Variants in RPS6KA3 observed in about 807,000 individuals in gnomAD.
RPS6KA3 encodes the protein ribosomal protein S6 kinase A3, also known as ribosomal protein S6 kinase alpha-3.
A neutral mutation model predicts 67.2 loss-of-function variants in RPS6KA3; 4 were observed. The ratio of observed to expected loss-of-function variants is 0.06; its 90% confidence interval spans 0.03 to 0.14. The LOEUF is 0.14. Ranked by LOEUF, RPS6KA3 falls within the 10% of genes least tolerant of loss-of-function variation. The pLI is 1.00. For synonymous variants in RPS6KA3, 182 were observed against 183.7 expected, an observed-to-expected ratio of 0.99 and a Z score of 0.07; for missense variants, 204 against 559.0, an observed-to-expected ratio of 0.36 and a Z score of 6.40.
intron 4 of RPS6KA3, among the ~76,000 whole-genome samples, chrX:20,196,243 G>C (rs376683980): frequency 1.8e-5 from 2 of 113,203 alleles, no homozygotes; most frequent in Non-Finnish European, 3.7e-5. Context: ...GCGCCAAGGC[G>C]AAATGGGGAG....
At chrX:20,191,700 GA>G (rs2068134052) in intron 7 of RPS6KA3, among the ~76,000 whole-genome samples, 1 of 111,863 alleles carries the variant, frequency 8.9e-6, no homozygotes, top group Non-Finnish European at 1.9e-5. Context: ...ATATCCGAGA[GA>G]AATATTCAAA....
At chrX:20,219,045 C>T in intron 2 of RPS6KA3, 1 of 377,053 alleles carries the variant, frequency 2.7e-6, no homozygotes. Flanking sequence ...GGCAGGGGCA[C>T]TAATGTAGCT....
At chrX:20,251,757 C>A in intron 1 of RPS6KA3, among the ~76,000 whole-genome samples, 1 of 112,653 alleles carries the variant, frequency 8.9e-6, no homozygotes, top group East Asian at 2.8e-4. Flanking sequence ...AACTCTGTAT[C>A]TATTAGACAA....
rs1247088070 is a variant in RPS6KA3 at position 20,155,294 on chromosome X, G to A, written c.*104C>T. The A allele has an allele frequency of 4.4e-6, 4 of 908,353 alleles. No homozygotes were observed. The highest frequency in any genetic ancestry group is 6.5e-6 in the Non-Finnish European group (4 of 619,912). The allele number at this position is 908,353 out of a possible 1,213,427, so 74.9% of individuals were successfully genotyped here. On this transcript the variant is annotated 3_prime_UTR_variant, in exon 22 of 22. Transcript: ENST00000379565. The stretch of plus-strand genomic sequence containing the variant: ...AACAGCAGCATTATGGGTACCAGCT[G>A]GGACAGTGTGTGCTTGCAGGTGTCT...
At chrX:20,234,650 G>T in intron 2 of RPS6KA3, 108 bp downstream of exon 2, 1 of 584,567 alleles carries the variant, frequency 1.7e-6, no homozygotes, top group South Asian at 2.4e-5. Context: ...TGAAAGGATC[G>T]ACAAGTTTCT....
intron 14 of RPS6KA3, among the ~76,000 whole-genome samples, chrX:20,174,824 C>T (rs187983683): frequency 0.011 from 1,214 of 111,505 alleles, 6 homozygotes; most frequent in Middle Eastern, 0.019. Flanking sequence ...GTGCGATCTC[C>T]GCTCACTGCA....
chrX:20,251,967 T>C (rs190294768), intron 1 of RPS6KA3, among the ~76,000 whole-genome samples: 1 of 112,334 alleles, frequency 8.9e-6, no homozygotes, highest in African/African-American at 3.2e-5. Context: ...AAATGTTAAA[T>C]CTTTTGTTAA....
At chrX:20,224,720 G>A (rs759611538) in intron 2 of RPS6KA3, among the ~76,000 whole-genome samples, 163 of 111,391 alleles carry the variant, frequency 1.5e-3, no homozygotes, top group African/African-American at 5.0e-3. Context: ...TGAAACAAAT[G>A]GTAGTGTCTT....
intron 2 of RPS6KA3, chrX:20,219,044 A>G: frequency 5.2e-6 from 2 of 387,525 alleles, no homozygotes; most frequent in Admixed American, 9.1e-5. Flanking sequence ...CGGCAGGGGC[A>G]CTAATGTAGC....
intron 2 of RPS6KA3, among the ~76,000 whole-genome samples, chrX:20,226,851 C>T (rs1299612639): frequency 9.0e-6 from 1 of 111,055 alleles, no homozygotes; most frequent in Admixed American, 9.6e-5. Flanking sequence ...CTTTAGACAC[C>T]CTATTACAGA....
At chrX:20,159,630 C>T (rs751970507) in intron 20 of RPS6KA3, among the ~76,000 whole-genome samples, 192 of 112,083 alleles carry the variant, frequency 1.7e-3, no homozygotes, top group African/African-American at 5.2e-3. Context: ...ACCAAAAAAG[C>T]ATACCAGGAT....
intron 11 of RPS6KA3, 60 bp downstream of exon 11, chrX:20,176,936 C>A: frequency 1.2e-6 from 1 of 840,682 alleles, no homozygotes; most frequent in East Asian, 3.1e-5. Flanking sequence ...AATATCTACT[C>A]CCCGCTAAAA....
At chrX:20,197,072 T>C (rs143772627) in intron 4 of RPS6KA3, among the ~76,000 whole-genome samples, 2,572 of 112,379 alleles carry the variant, frequency 0.023, 82 homozygotes, top group African/African-American at 0.079. Flanking sequence ...ACTCCTGACC[T>C]CAGGTGATCC....
intron 10 of RPS6KA3, among the ~76,000 whole-genome samples, chrX:20,179,053 T>A (rs1466921149): frequency 9.0e-6 from 1 of 111,140 alleles, no homozygotes; most frequent in Non-Finnish European, 1.9e-5. Flanking sequence ...GTTTTCTGAA[T>A]ACTTTAAGCA....
chrX:20,229,160 T>C (rs976956530), intron 2 of RPS6KA3, among the ~76,000 whole-genome samples: 1 of 110,526 alleles, frequency 9.0e-6, no homozygotes, highest in African/African-American at 3.3e-5. Context: ...GTTAAGAGCA[T>C]ACTTTTGGGT....
intron 4 of RPS6KA3, among the ~76,000 whole-genome samples, chrX:20,201,637 T>C (rs2068435921): frequency 9.0e-6 from 1 of 111,257 alleles, no homozygotes; most frequent in African/African-American, 3.3e-5. Context: ...TTTTCCCTTT[T>C]CCCCCATTAA....
At chrX:20,169,019 A>AT (rs1168642623) in intron 16 of RPS6KA3, among the ~76,000 whole-genome samples, 1 of 111,285 alleles carries the variant, frequency 9.0e-6, no homozygotes, top group Admixed American at 9.6e-5. Flanking sequence ...TGTCAGGCTA[A>AT]TTTTTAAATA....
At chrX:20,192,134 C>T (rs1282284792) in intron 7 of RPS6KA3, among the ~76,000 whole-genome samples, 1 of 110,914 alleles carries the variant, frequency 9.0e-6, no homozygotes, top group East Asian at 2.8e-4. Flanking sequence ...TAGAGCAAGG[C>T]TCGTGCTTAT....
chrX:20,218,941 G>A (rs756016937), intron 2 of RPS6KA3: 4 of 628,763 alleles, frequency 6.4e-6, no homozygotes, highest in African/African-American at 2.3e-5. Context: ...CAGCTGTTCC[G>A]GCAATTAGAA....
Sources: allele counts gnomAD v4.1 joint callset (sites outside exome capture counted in the v4.1 genomes callset), GRCh38; gene constraint gnomAD v4.1.1; transcripts MANE v1.5; gene names NCBI Gene and HGNC (gene_info 2026-07-23, HGNC 2026-07-21).